Variants in GGTA1 observed in about 807,000 individuals in gnomAD.
GGTA1 encodes the protein glycoprotein alpha-galactosyltransferase 1 (inactive).
Under a neutral mutation model 2.6 loss-of-function variants are expected in GGTA1, and 5 were observed. That is an observed-to-expected ratio of 1.92 (90% CI 1.00 to 4.04). GGTA1 has a LOEUF of 4.04. GGTA1 is among the 30% of genes most tolerant of loss of function. The pLI is 0.00. For missense variants in GGTA1, 50 were observed against 16.7 expected (o/e 2.99, Z -3.47); for synonymous variants, 17 against 5.0 (o/e 3.38, Z -3.19).
chr9:121,494,085 C>T (rs1828937727), intron 1 of GGTA1, among the ~76,000 whole-genome samples: 1 of 152,102 alleles, frequency 6.6e-6, no homozygotes, highest in African/African-American at 2.4e-5. Context: ...GGAATCTCCT[C>T]CTCCATCTCA....
intron 1 of GGTA1, among the ~76,000 whole-genome samples, chr9:121,470,409 TCCCA>T (rs1736879452): frequency 1.3e-5 from 2 of 152,184 alleles, no homozygotes; most frequent in Non-Finnish European, 1.5e-5. Context: ...AATCATGAGT[TCCCA>T]CTTGAATATG....
chr9:121,490,059 G>A (rs1262634560), intron 1 of GGTA1, among the ~76,000 whole-genome samples: 2 of 152,174 alleles, frequency 1.3e-5, no homozygotes, highest in African/African-American at 2.4e-5. Context: ...AGGAACTTGC[G>A]AAGAATTTCT....
downstream of GGTA1, among the ~76,000 whole-genome samples, chr9:121,450,886 G>A (rs2064874933): frequency 6.6e-6 from 1 of 152,196 alleles, no homozygotes; most frequent in Non-Finnish European, 1.5e-5. Context: ...AACAGTAATA[G>A]CTGCTGGGCT....
At chr9:121,478,780 G>A (rs1237909447) in intron 1 of GGTA1, among the ~76,000 whole-genome samples, 1 of 152,158 alleles carries the variant, frequency 6.6e-6, no homozygotes, top group African/African-American at 2.4e-5. Flanking sequence ...GCTTTCTCTC[G>A]AATCCCCTTT....
intron 1 of GGTA1, among the ~76,000 whole-genome samples, chr9:121,497,907 G>C (rs1404823067): frequency 6.6e-6 from 1 of 152,172 alleles, no homozygotes; most frequent in East Asian, 1.9e-4. Context: ...TGGCTGCTCA[G>C]AGCCACCATG....
exon 8 of GGTA1, chr9:121,445,384 G>T (rs751420480): frequency 6.6e-6 from 1 of 152,150 alleles, no homozygotes; most frequent in Admixed American, 6.5e-5. Context: ...GAAGTAGGAG[G>T]CACGGTGAAA....
intron 1 of GGTA1, among the ~76,000 whole-genome samples, chr9:121,479,637 T>G: frequency 6.6e-6 from 1 of 151,776 alleles, no homozygotes; most frequent in East Asian, 1.9e-4. Flanking sequence ...GAAACCATTC[T>G]GGACCCAAAC....
At chr9:121,458,675 A>C (rs1233569672) in intron 5 of GGTA1, among the ~76,000 whole-genome samples, 1 of 150,814 alleles carries the variant, frequency 6.6e-6, no homozygotes. Context: ...GGATAAGATA[A>C]GATAAATTAA....
intron 1 of GGTA1, among the ~76,000 whole-genome samples, chr9:121,475,103 G>A (rs1828479023): frequency 6.6e-6 from 1 of 152,058 alleles, no homozygotes; most frequent in Non-Finnish European, 1.5e-5. Flanking sequence ...GGATGAAACC[G>A]GAAACCAGCA....
At chr9:121,494,720 GAAATGGAGCAGGATA>G (rs1456603023) in intron 1 of GGTA1, 1 of 152,256 alleles carries the variant, frequency 6.6e-6, no homozygotes, top group East Asian at 1.9e-4. Flanking sequence ...ACTTAGGTTG[GAAATGGAGCAGGATA>G]AAACTCCCGT....
At chr9:121,451,653 AC>A (rs1270600008), downstream of GGTA1, among the ~76,000 whole-genome samples, 1 of 152,214 alleles carries the variant, frequency 6.6e-6, no homozygotes, top group African/African-American at 2.4e-5. Flanking sequence ...GATCTGAGGA[AC>A]CCATGGAAGA....
intron 4 of GGTA1, 52 bp downstream of exon 4, chr9:121,461,200 C>T (rs376195059): frequency 2.0e-5 from 9 of 445,356 alleles, no homozygotes; most frequent in East Asian, 7.0e-5. Context: ...TGTGGACCCT[C>T]TGCAAGCACC....
chr9:121,459,705 A>T (rs146859150), intron 5 of GGTA1, among the ~76,000 whole-genome samples: 1 of 152,156 alleles, frequency 6.6e-6, no homozygotes, highest in East Asian at 1.9e-4. Flanking sequence ...TCAGGTCTCA[A>T]AGTCACCCTG....
At chr9:121,464,228 G>C (rs548002402) in intron 2 of GGTA1, among the ~76,000 whole-genome samples, 1 of 152,032 alleles carries the variant, frequency 6.6e-6, no homozygotes, top group East Asian at 1.9e-4. Flanking sequence ...TCCTAGCACA[G>C]TGCCTGGTAC....
At chr9:121,483,390 G>A (rs549001417) in intron 1 of GGTA1, among the ~76,000 whole-genome samples, 1 of 152,296 alleles carries the variant, frequency 6.6e-6, no homozygotes, top group East Asian at 1.9e-4. Context: ...AACCTGGAAG[G>A]CAGACAATTC....
At chr9:121,468,748 G>A (rs1396326221) in intron 1 of GGTA1, among the ~76,000 whole-genome samples, 2 of 152,206 alleles carry the variant, frequency 1.3e-5, no homozygotes, top group Admixed American at 6.5e-5. Flanking sequence ...GTTAATAGAG[G>A]AGGCTGCCTC....
downstream of GGTA1, among the ~76,000 whole-genome samples, chr9:121,454,570 G>T (rs751944732): frequency 4.3e-4 from 65 of 152,144 alleles, no homozygotes; most frequent in Admixed American, 7.2e-4. Context: ...GGTTAAAGCT[G>T]GGATTTAAAC....
intron 1 of GGTA1, among the ~76,000 whole-genome samples, chr9:121,490,158 C>T (rs1183353275): frequency 6.6e-6 from 1 of 152,180 alleles, no homozygotes; most frequent in African/African-American, 2.4e-5. Context: ...GCTGTGGTAA[C>T]AGCTGGGTGG....
intron 1 of GGTA1, among the ~76,000 whole-genome samples, chr9:121,490,927 A>G (rs1056983210): frequency 2.6e-5 from 4 of 152,142 alleles, no homozygotes; most frequent in Non-Finnish European, 4.4e-5. Flanking sequence ...AGCACTTCCT[A>G]TGTTGAATTT....
Sources: allele counts gnomAD v4.1 joint callset (sites outside exome capture counted in the v4.1 genomes callset), GRCh38; gene constraint gnomAD v4.1.1; transcripts MANE v1.5; gene names NCBI Gene and HGNC (gene_info 2026-07-23, HGNC 2026-07-21).